LRRFIP2: variants seen among roughly 807,000 people sequenced by gnomAD.
LRRFIP2 encodes the protein LRR binding FLII interacting protein 2, also known as leucine-rich repeat flightless-interacting protein 2.
LRRFIP2 carries 109 observed loss-of-function variants against 125.9 expected under a neutral mutation model. That is an observed-to-expected ratio of 0.87 (90% CI 0.74 to 1.01). The LOEUF (loss-of-function observed/expected upper bound fraction) is 1.01. LRRFIP2 is among the 50% of genes least tolerant of loss of function. The pLI, the probability that LRRFIP2 is intolerant of heterozygous loss-of-function variation, is 0.00. For missense variants in LRRFIP2, 850 were observed against 862.3 expected, an observed-to-expected ratio of 0.99 and a Z score of 0.18; for synonymous variants, 291 against 293.1, an observed-to-expected ratio of 0.99 and a Z score of 0.07.
intron 1 of LRRFIP2, among the ~76,000 whole-genome samples, chr3:37,164,228 A>G (rs1339366257): frequency 2.0e-5 from 3 of 152,204 alleles, no homozygotes; most frequent in Non-Finnish European, 4.4e-5. Flanking sequence ...GATATACCAC[A>G]TGGCTGATCA....
intron 14 of LRRFIP2, among the ~76,000 whole-genome samples, chr3:37,105,166 A>G (rs1183439509): frequency 1.3e-5 from 2 of 152,240 alleles, no homozygotes; most frequent in African/African-American, 4.8e-5. Context: ...TGAACTGCAC[A>G]CACATGTATG....
chr3:37,127,741 CTTAAA>C (rs761376244), intron 3 of LRRFIP2, 61 bp from the exon 4 acceptor site: 21 of 1,306,228 alleles, frequency 1.6e-5, no homozygotes, highest in South Asian at 8.5e-5. Flanking sequence ...CTCCAAAAAC[CTTAAA>C]TTAATCATAC....
At chr3:37,151,150 G>A (rs1284370271) in intron 1 of LRRFIP2, among the ~76,000 whole-genome samples, 1 of 152,178 alleles carries the variant, frequency 6.6e-6, no homozygotes, top group Non-Finnish European at 1.5e-5. Flanking sequence ...CAGGAGATCA[G>A]GAGTTCAAGA....
intron 2 of LRRFIP2, among the ~76,000 whole-genome samples, chr3:37,136,135 A>G: frequency 6.6e-6 from 1 of 152,256 alleles, no homozygotes; most frequent in African/African-American, 2.4e-5. Flanking sequence ...TACAGGATGC[A>G]ACATGAATGA....
chr3:37,083,881 G>T, intron 18 of LRRFIP2, 75 bp from the exon 19 acceptor site: 1 of 1,129,796 alleles, frequency 8.9e-7, no homozygotes. Flanking sequence ...GGAAATTATA[G>T]CACTGCCACA....
At chr3:37,142,158 T>C (rs1440538512) in intron 2 of LRRFIP2, among the ~76,000 whole-genome samples, 1 of 150,472 alleles carries the variant, frequency 6.6e-6, no homozygotes, top group Non-Finnish European at 1.5e-5. Context: ...CTTTTTTTTT[T>C]TTTTTTTTTT....
intron 20 of LRRFIP2, 129 bp from the exon 21 acceptor site, chr3:37,073,011 A>G (rs932388497): frequency 1.2e-5 from 7 of 579,122 alleles, no homozygotes; most frequent in Non-Finnish European, 2.1e-5. Context: ...GATGAACAGG[A>G]AAAGCAAAAT....
In LRRFIP2 at chr3:37,148,905, T is replaced by C. The variant is rs145850479; in HGVS notation, c.79A>G (p.Ile27Val). The C allele has an allele frequency of 6.2e-6, 10 of 1,613,994 alleles. No homozygotes were observed. The highest frequency in any genetic ancestry group is 1.1e-5 in the South Asian group (1 of 91,082). Reference protein sequence around the residue: ...FSAEDEALSNIAREAEARLAA... With the variant: ...FSAEDEALSNVAREAEARLAA... ...TTTACCAAACATACCTCTCTGGCAA[T>C]GTTACTCAAAGCTTCATCTTCTGCA... The change falls in exon 2 of 28, where the codon ATT (isoleucine) becomes GTT (valine). Residue 27 changes from isoleucine to valine, a missense_variant. Coordinates refer to ENST00000336686, the MANE Select transcript of LRRFIP2 (RefSeq NM_006309.4).
chr3:37,172,052 C>G (rs1334779901), intron 1 of LRRFIP2, among the ~76,000 whole-genome samples: 1 of 152,136 alleles, frequency 6.6e-6, no homozygotes, highest in African/African-American at 2.4e-5. Flanking sequence ...TAATTAAGAG[C>G]TCCTTTCCCC....
At chr3:37,088,922 A>G (rs960138800) in intron 18 of LRRFIP2, among the ~76,000 whole-genome samples, 2 of 152,152 alleles carry the variant, frequency 1.3e-5, no homozygotes, top group Non-Finnish European at 2.9e-5. Flanking sequence ...TTCCTTGACC[A>G]CGCGCCCTCC....
intron 1 of LRRFIP2, among the ~76,000 whole-genome samples, chr3:37,152,993 T>G (rs9858708): frequency 0.022 from 3,315 of 152,252 alleles, 117 homozygotes; most frequent in African/African-American, 0.076. Context: ...TAAAAATAGA[T>G]TTGGCTGGAA....
intron 6 of LRRFIP2, among the ~76,000 whole-genome samples, chr3:37,115,718 C>A (rs1037149775): frequency 6.6e-6 from 1 of 152,136 alleles, no homozygotes; most frequent in African/African-American, 2.4e-5. Flanking sequence ...AGGTGTGACA[C>A]TGAATATAAA....
At chr3:37,157,075 G>A (rs2096221998) in intron 1 of LRRFIP2, among the ~76,000 whole-genome samples, 1 of 152,094 alleles carries the variant, frequency 6.6e-6, no homozygotes. Context: ...GTTGCAGTGA[G>A]CCAAGATTGC....
chr3:37,057,659 G>A (rs1199452266), intron 25 of LRRFIP2, among the ~76,000 whole-genome samples: 1 of 151,834 alleles, frequency 6.6e-6, no homozygotes, highest in South Asian at 2.1e-4. Flanking sequence ...GGGCCACCAC[G>A]CCTGGCCCCA....
At chr3:37,101,522 G>A (rs922202760) in intron 15 of LRRFIP2, among the ~76,000 whole-genome samples, 1 of 151,846 alleles carries the variant, frequency 6.6e-6, no homozygotes, top group Non-Finnish European at 1.5e-5. Flanking sequence ...AAAATTAGCT[G>A]GGCGTGATGA....
Position 37,102,963 on chromosome 3 carries a change from GACA to G in LRRFIP2, c.831_833del (p.Val278del). ...GGATACTGATATCATCCACCTCAGA[GACA>G]ACACTTCCCCTACGATTGGAGCGAC... On this transcript the variant is annotated inframe_deletion, in exon 15 of 28. Coordinates refer to ENST00000336686, the MANE Select transcript of LRRFIP2 (RefSeq NM_006309.4). 6.4e-7 allele frequency: 1 copy of G among 1,566,110 alleles called. No homozygotes were observed. The highest frequency in any genetic ancestry group is 8.7e-7 in the Non-Finnish European group (1 of 1,153,556).
chr3:37,081,160 T>C (rs1367065418), intron 19 of LRRFIP2, among the ~76,000 whole-genome samples: 1 of 152,172 alleles, frequency 6.6e-6, no homozygotes, highest in East Asian at 1.9e-4. Flanking sequence ...CCAGATTACT[T>C]AAGCGTAGGA....
chr3:37,147,268 G>A (rs1423652640), intron 2 of LRRFIP2, among the ~76,000 whole-genome samples: 19 of 152,182 alleles, frequency 1.2e-4, no homozygotes, highest in African/African-American at 4.1e-4. Context: ...GAGAATGTTA[G>A]TTAGTTCAAC....
At chr3:37,161,325 G>A (rs189233408) in intron 1 of LRRFIP2, among the ~76,000 whole-genome samples, 4 of 151,894 alleles carry the variant, frequency 2.6e-5, no homozygotes, top group Admixed American at 6.6e-5. Context: ...ACTGCACTCC[G>A]TCCAGCCTGG....
Sources: allele counts gnomAD v4.1 joint callset (sites outside exome capture counted in the v4.1 genomes callset), GRCh38; gene constraint gnomAD v4.1.1; transcripts MANE v1.5; gene names NCBI Gene and HGNC (gene_info 2026-07-23, HGNC 2026-07-21).